Variants in NALCN observed in about 807,000 individuals in gnomAD.
NALCN encodes the protein sodium leak channel NALCN.
Under a neutral mutation model 225.3 loss-of-function variants are expected in NALCN, and 111 were observed. The observed-to-expected ratio is 0.49, with a 90% CI of 0.42 to 0.58. NALCN has a LOEUF of 0.58. NALCN is among the 20% of genes least tolerant of loss of function. The pLI is 0.00. For missense variants in NALCN, 1,378 were observed against 2,202.4 expected, an observed-to-expected ratio of 0.63 and a Z score of 7.49; for synonymous variants, 764 against 769.0, an observed-to-expected ratio of 0.99 and a Z score of 0.11.
chr13:101,415,208 C>CATATATATAT lies in NALCN; in HGVS notation c.-40+1095_-40+1104dup, dbSNP rs1030463057. On this transcript the variant is annotated intron_variant, in intron 1 of 43. Coordinates refer to ENST00000251127, the MANE Select transcript of NALCN (RefSeq NM_052867.4). ...TAGTTATGAACATACAAATCACACA[C>CATATATATAT]ATATATATATATATATACATACATA... Among the ~76,000 whole-genome samples the CATATATATAT allele has an allele frequency of 5.6e-5, 6 of 107,822 alleles. 1 individual carries two copies. The highest frequency in any genetic ancestry group is 2.2e-4 in the African/African-American group (4 of 17,950). 70.7% of individuals were successfully genotyped at this position (107,822 alleles called of 152,430 possible).
chr13:101,151,587 C>T (rs1049072106), intron 15 of NALCN, among the ~76,000 whole-genome samples: 1 of 152,184 alleles, frequency 6.6e-6, no homozygotes, highest in Non-Finnish European at 1.5e-5. Flanking sequence ...AAAGGAGTCC[C>T]TCCTCTTTGT....
In NALCN at chr13:101,279,067, G is replaced by T. The variant is rs554023990; in HGVS notation, c.1134+4866C>A. ...TTGCAGAAGTGACCATGACTGGTAT[G>T]GTCTCTAAAGTAATGGAATTTCCCC... On this transcript the variant is annotated intron_variant, in intron 10 of 43. Transcript: ENST00000251127. Among the ~76,000 whole-genome samples the T allele has an allele frequency of 2.8e-4, 42 of 152,176 alleles. 1 individual carries two copies. In the South Asian group the frequency reaches 8.7e-3, roughly 32 times the overall value.
intron 16 of NALCN, among the ~76,000 whole-genome samples, chr13:101,144,402 ACGG>A (rs2037241092): frequency 6.6e-6 from 1 of 152,196 alleles, no homozygotes; most frequent in Non-Finnish European, 1.5e-5. Context: ...TTAGTCTCAT[ACGG>A]TTGGGGTCTG....
chr13:101,067,108 G>T (rs1367041695), intron 39 of NALCN, among the ~76,000 whole-genome samples: 1 of 151,816 alleles, frequency 6.6e-6, no homozygotes, highest in East Asian at 1.9e-4. Context: ...TATCCTCAGT[G>T]CCTAGAACTG....
At chr13:101,382,135 T>C (rs556516217) in intron 3 of NALCN, among the ~76,000 whole-genome samples, 3 of 152,326 alleles carry the variant, frequency 2.0e-5, no homozygotes, top group African/African-American at 7.2e-5. Flanking sequence ...AACAATGTTA[T>C]ATGTAGCAGC....
intron 13 of NALCN, among the ~76,000 whole-genome samples, chr13:101,227,347 T>G (rs529077763): frequency 1.2e-4 from 19 of 152,212 alleles, no homozygotes; most frequent in Admixed American, 1.2e-3. Flanking sequence ...AAGCAATAAC[T>G]CAAGCATACC....
At chr13:101,228,479 C>T (rs1047846569) in intron 13 of NALCN, among the ~76,000 whole-genome samples, 1 of 152,060 alleles carries the variant, frequency 6.6e-6, no homozygotes, top group Non-Finnish European at 1.5e-5. Flanking sequence ...GGGCGGTTTC[C>T]CCCCTGCTGC....
intron 14 of NALCN, chr13:101,180,650 T>C (rs1380269245): frequency 5.7e-6 from 1 of 174,778 alleles, no homozygotes; most frequent in Non-Finnish European, 1.3e-5. Context: ...CACCGAGAAC[T>C]CTCAGGCAGC....
intron 10 of NALCN, among the ~76,000 whole-genome samples, chr13:101,277,322 A>T (rs2043000911): frequency 1.3e-5 from 2 of 152,148 alleles, no homozygotes; most frequent in South Asian, 2.1e-4. Context: ...TTATAAGAGA[A>T]CTTGAGCCAG....
chr13:101,403,211 G>A (rs1019815568), intron 1 of NALCN, among the ~76,000 whole-genome samples: 2 of 152,134 alleles, frequency 1.3e-5, no homozygotes, highest in Admixed American at 6.5e-5. Flanking sequence ...CAGGCACTGC[G>A]GTATGTGCTG....
In NALCN at chr13:101,365,433, C is replaced by A. The variant is rs563373895; in HGVS notation, c.644+11267G>T. On this transcript the variant is annotated intron_variant, in intron 6 of 43. Transcript: ENST00000251127. ...TGAAAAAACCTCTTTATTTTGTCAA[C>A]AAAATTTATAAGACAATACTTCACT... Among the ~76,000 whole-genome samples the A allele has an allele frequency of 9.2e-5, 14 of 152,172 alleles. No homozygotes were observed. The South Asian group carries it at 2.9e-3, about 32-fold the overall frequency.
chr13:101,058,232 C>A, intron 42 of NALCN, 176 bp from the exon 43 acceptor site: 1 of 590,426 alleles, frequency 1.7e-6, no homozygotes. Flanking sequence ...AGAAAAAGAG[C>A]CACCACTGCA....
chr13:101,349,863 T>C (rs2045857267), intron 6 of NALCN, among the ~76,000 whole-genome samples: 1 of 152,128 alleles, frequency 6.6e-6, no homozygotes, highest in Admixed American at 6.6e-5. Context: ...TCCAGCTCAA[T>C]AGGTCCCTTA....
intron 1 of NALCN, among the ~76,000 whole-genome samples, chr13:101,408,338 A>G (rs948744287): frequency 6.6e-6 from 1 of 152,138 alleles, no homozygotes; most frequent in African/African-American, 2.4e-5. Context: ...TAGCTTGTGA[A>G]CTTCAATGAG....
intron 7 of NALCN, among the ~76,000 whole-genome samples, chr13:101,326,264 T>TA (rs1391061206): frequency 3.3e-5 from 5 of 152,226 alleles, no homozygotes; most frequent in Non-Finnish European, 5.9e-5. Context: ...TGTTTGTACT[T>TA]ACCTGGTGCC....
chr13:101,310,389 T>G (rs998925138), intron 7 of NALCN, among the ~76,000 whole-genome samples: 6 of 152,096 alleles, frequency 3.9e-5, no homozygotes, highest in Non-Finnish European at 5.9e-5. Flanking sequence ...GAGGAGAGCA[T>G]GGGGCATGCT....
chr13:101,191,494 G>T (rs1326975577), intron 14 of NALCN, among the ~76,000 whole-genome samples: 5 of 152,118 alleles, frequency 3.3e-5, no homozygotes, highest in African/African-American at 1.2e-4. Context: ...ACTGCACCCT[G>T]AGGTCTATAG....
chr13:101,175,608 T>C (rs545770286), intron 15 of NALCN, among the ~76,000 whole-genome samples: 240 of 152,314 alleles, frequency 1.6e-3, no homozygotes, highest in African/African-American at 5.6e-3. Context: ...GTTCCACCCA[T>C]TGTCCCACTC....
At chr13:101,119,991 T>A (rs144434491) in intron 18 of NALCN, among the ~76,000 whole-genome samples, 25 of 152,216 alleles carry the variant, frequency 1.6e-4, no homozygotes, top group South Asian at 1.0e-3. Flanking sequence ...TCTCAAAACA[T>A]CAATTAATTT....
Sources: gnomAD v4.1 joint callset for allele counts (sites outside exome capture counted in the v4.1 genomes callset) on GRCh38, gnomAD v4.1.1 for gene constraint, MANE v1.5 for transcripts, NCBI Gene and HGNC (gene_info 2026-07-23, HGNC 2026-07-21) for gene names.